Variants in PCDH9 observed in about 807,000 individuals in gnomAD.
PCDH9 encodes protocadherin 9, also known as protocadherin-9.
PCDH9 carries 24 observed loss-of-function variants against 70.6 expected under a neutral mutation model. The observed-to-expected ratio is 0.34, with a 90% confidence interval of 0.25 to 0.48. PCDH9 has a LOEUF of 0.48. Ranked by LOEUF, PCDH9 falls within the 20% of genes least tolerant of loss-of-function variation. The pLI is 0.99. For synonymous variants in PCDH9, 562 were observed against 558.5 expected (o/e 1.01, Z -0.09); for missense variants, 1,281 against 1,503.6 (o/e 0.85, Z 2.45).
chr13:67,069,628 G>A (rs1478243853), intron 2 of PCDH9, among the ~76,000 whole-genome samples: 1 of 152,068 alleles, frequency 6.6e-6, no homozygotes, highest in Admixed American at 6.6e-5. Flanking sequence ...TCACGCTAGT[G>A]CTTTTCACAC....
intron 2 of PCDH9, among the ~76,000 whole-genome samples, chr13:67,100,438 CAT>C (rs1231695024): frequency 6.6e-6 from 1 of 152,098 alleles, no homozygotes; most frequent in African/African-American, 2.4e-5. Flanking sequence ...CCTACTGACA[CAT>C]AGAAATTATT....
At chr13:66,307,396 C>T (rs1426574326) in intron 4 of PCDH9, among the ~76,000 whole-genome samples, 4 of 152,070 alleles carry the variant, frequency 2.6e-5, no homozygotes, top group African/African-American at 9.7e-5. Context: ...TGCTTAAAGG[C>T]AGACCTAAAG....
chr13:66,415,436 A>C (rs1957445187), intron 4 of PCDH9, among the ~76,000 whole-genome samples: 1 of 152,190 alleles, frequency 6.6e-6, no homozygotes, highest in South Asian at 2.1e-4. Context: ...CATAAATGCC[A>C]TCTCTTCATG....
chr13:67,141,115 A>G (rs1286483528), intron 2 of PCDH9, among the ~76,000 whole-genome samples: 1 of 152,250 alleles, frequency 6.6e-6, no homozygotes, highest in Non-Finnish European at 1.5e-5. Flanking sequence ...AGCATCCTAA[A>G]GAGTTTAGAA....
chr13:67,052,893 T>C (rs2085349350), intron 2 of PCDH9, among the ~76,000 whole-genome samples: 1 of 152,078 alleles, frequency 6.6e-6, no homozygotes, highest in Non-Finnish European at 1.5e-5. Flanking sequence ...TGTCCCATTT[T>C]AGAAAGAATG....
At chr13:66,738,861 C>A (rs1354703201) in intron 3 of PCDH9, among the ~76,000 whole-genome samples, 1 of 150,720 alleles carries the variant, frequency 6.6e-6, no homozygotes, top group Non-Finnish European at 1.5e-5. Flanking sequence ...AAATCTACGT[C>A]TGATTGGTGT....
At chr13:66,812,164 C>T (rs2080521111) in intron 3 of PCDH9, among the ~76,000 whole-genome samples, 1 of 152,014 alleles carries the variant, frequency 6.6e-6, no homozygotes, top group African/African-American at 2.4e-5. Context: ...TCAATATTTT[C>T]TTACGTGCAG....
At chr13:66,900,507 A>G (rs1029020499) in intron 3 of PCDH9, among the ~76,000 whole-genome samples, 1 of 151,910 alleles carries the variant, frequency 6.6e-6, no homozygotes, top group Non-Finnish European at 1.5e-5. Flanking sequence ...AGATGAGAAG[A>G]ATTATTATAA....
At chr13:66,622,427 C>T (rs576841609) in intron 4 of PCDH9, among the ~76,000 whole-genome samples, 27 of 152,278 alleles carry the variant, frequency 1.8e-4, no homozygotes, top group African/African-American at 6.0e-4. Flanking sequence ...CTGGTGGGGA[C>T]GTGGAGAACC....
chr13:67,071,164 T>C (rs2085754530), intron 2 of PCDH9, among the ~76,000 whole-genome samples: 1 of 152,280 alleles, frequency 6.6e-6, no homozygotes, highest in Admixed American at 6.5e-5. Context: ...AGCCAAATTA[T>C]TTCATGACGA....
intron 2 of PCDH9, among the ~76,000 whole-genome samples, chr13:67,001,284 C>T (rs188941059): frequency 3.1e-4 from 47 of 152,230 alleles, no homozygotes; most frequent in African/African-American, 9.9e-4. Context: ...TGTAAAACAG[C>T]AAACTGATTT....
chr13:66,409,652 A>G (rs1184952013), intron 4 of PCDH9, among the ~76,000 whole-genome samples: 1 of 152,252 alleles, frequency 6.6e-6, no homozygotes, highest in Admixed American at 6.5e-5. Flanking sequence ...CACTGGATTA[A>G]GAAAACCAGT....
At chr13:66,417,473 T>A (rs958595817) in intron 4 of PCDH9, among the ~76,000 whole-genome samples, 1 of 152,228 alleles carries the variant, frequency 6.6e-6, no homozygotes, top group African/African-American at 2.4e-5. Context: ...TTGTGAATAG[T>A]GCCATAATAA....
intron 2 of PCDH9, among the ~76,000 whole-genome samples, chr13:66,911,717 A>G (rs1208120616): frequency 6.6e-6 from 1 of 152,216 alleles, no homozygotes; most frequent in Non-Finnish European, 1.5e-5. Context: ...GAAAGGTTTT[A>G]AATTACAGGA....
chr13:66,527,594 G>A (rs1273335815), intron 4 of PCDH9, among the ~76,000 whole-genome samples: 2 of 151,994 alleles, frequency 1.3e-5, no homozygotes, highest in African/African-American at 2.4e-5. Flanking sequence ...AAAGAGTTCC[G>A]TATGGTTGAA....
intron 4 of PCDH9, among the ~76,000 whole-genome samples, chr13:66,341,904 G>T (rs1176912944): frequency 1.3e-5 from 2 of 152,146 alleles, no homozygotes; most frequent in Non-Finnish European, 1.5e-5. Context: ...CGTGCACTTT[G>T]CTAGCAGCTA....
intron 4 of PCDH9, among the ~76,000 whole-genome samples, chr13:66,505,601 GA>G (rs746373062): frequency 3.3e-5 from 5 of 152,086 alleles, no homozygotes; most frequent in Non-Finnish European, 7.4e-5. Flanking sequence ...GAAGGTGAAA[GA>G]GAAGCAAAGT....
chr13:66,767,542 A>T (rs1412675047), intron 3 of PCDH9, among the ~76,000 whole-genome samples: 1 of 152,062 alleles, frequency 6.6e-6, no homozygotes, highest in East Asian at 1.9e-4. Flanking sequence ...TACACACCTT[A>T]ATAGCAGTGT....
chr13:66,421,803 A>C (rs1957572265), intron 4 of PCDH9, among the ~76,000 whole-genome samples: 6 of 152,150 alleles, frequency 3.9e-5, no homozygotes, highest in Admixed American at 3.9e-4. Flanking sequence ...TCAAATTCAC[A>C]CACAACATTA....
Sources: allele counts gnomAD v4.1 joint callset (sites outside exome capture counted in the v4.1 genomes callset), GRCh38; gene constraint gnomAD v4.1.1; transcripts MANE v1.5; gene names NCBI Gene and HGNC (gene_info 2026-07-23, HGNC 2026-07-21).